The following STPG2 variants were observed in gnomAD, a reference collection of about 807,000 sequenced individuals.
STPG2 encodes the protein sperm tail PG-rich repeat containing 2.
Under a neutral mutation model 54.2 loss-of-function variants are expected in STPG2, and 56 were observed. That is an observed-to-expected ratio of 1.03 (90% CI 0.83 to 1.29). STPG2 has a LOEUF of 1.29. STPG2 is among the 50% of genes most tolerant of loss of function. STPG2 has a pLI of 0.00. For missense variants in STPG2, 596 were observed against 544.9 expected (o/e 1.09, Z -0.93); for synonymous variants, 200 against 181.8 (o/e 1.10, Z -0.81).
chr4:97,749,893 T>C (rs1351581635), intron 9 of STPG2, among the ~76,000 whole-genome samples: 1 of 151,810 alleles, frequency 6.6e-6, no homozygotes, highest in Non-Finnish European at 1.5e-5. Flanking sequence ...GTAGGATTTA[T>C]TTCTGAGAAT....
intron 10 of STPG2, among the ~76,000 whole-genome samples, chr4:97,617,118 A>G (rs1464552260): frequency 8.3e-6 from 1 of 120,072 alleles, no homozygotes; most frequent in Non-Finnish European, 1.7e-5. Context: ...ACACTTAACT[A>G]TATAATTTAA....
At chr4:97,631,080 T>A (rs1223983762) in intron 10 of STPG2, among the ~76,000 whole-genome samples, 1 of 151,896 alleles carries the variant, frequency 6.6e-6, no homozygotes, top group East Asian at 1.9e-4. Context: ...ACATATTGTT[T>A]CTGAAACCAG....
intron 4 of STPG2, among the ~76,000 whole-genome samples, chr4:97,498,965 T>A (rs937037632): frequency 4.6e-5 from 7 of 151,858 alleles, no homozygotes; most frequent in African/African-American, 1.7e-4. Context: ...CCTTGCCCCA[T>A]CTCTCAAGAA....
At chr4:97,746,665 T>C (rs1312306152) in intron 9 of STPG2, among the ~76,000 whole-genome samples, 1 of 151,152 alleles carries the variant, frequency 6.6e-6, no homozygotes, top group Non-Finnish European at 1.5e-5. Context: ...AGCAGTGGAA[T>C]AAAAGAAAGG....
At chr4:98,100,034 C>T (rs558857025) in intron 5 of STPG2, among the ~76,000 whole-genome samples, 2 of 152,032 alleles carry the variant, frequency 1.3e-5, no homozygotes, top group African/African-American at 4.8e-5. Flanking sequence ...AATGTACCCA[C>T]AAAAATTTTA....
At chr4:97,977,201 A>T (rs1383021937) in intron 6 of STPG2, among the ~76,000 whole-genome samples, 1 of 152,184 alleles carries the variant, frequency 6.6e-6, no homozygotes, top group Non-Finnish European at 1.5e-5. Flanking sequence ...TGACACAAAG[A>T]TCGCATGACT....
At chr4:97,739,902 C>T (rs1040526726) in intron 9 of STPG2, among the ~76,000 whole-genome samples, 3 of 151,784 alleles carry the variant, frequency 2.0e-5, no homozygotes, top group African/African-American at 4.8e-5. Context: ...CGGGCAGAGA[C>T]ACAACAAAAA....
intron 9 of STPG2, among the ~76,000 whole-genome samples, chr4:97,713,492 T>C (rs919225086): frequency 2.0e-5 from 3 of 152,164 alleles, no homozygotes; most frequent in African/African-American, 7.2e-5. Context: ...TCATAGACAA[T>C]GGGTAGCTCT....
chr4:98,059,196 A>C (rs1737569700), intron 5 of STPG2, among the ~76,000 whole-genome samples: 1 of 152,108 alleles, frequency 6.6e-6, no homozygotes. Flanking sequence ...AAAAATAAAC[A>C]TCAGAAACTA....
chr4:97,887,015 C>A (rs1203531563), intron 8 of STPG2, among the ~76,000 whole-genome samples: 1 of 152,188 alleles, frequency 6.6e-6, no homozygotes, highest in Non-Finnish European at 1.5e-5. Flanking sequence ...TTTCCTGAGG[C>A]CTCCGCAGGA....
At chr4:97,694,902 G>A (rs552347260) in intron 10 of STPG2, among the ~76,000 whole-genome samples, 37 of 140,260 alleles carry the variant, frequency 2.6e-4, no homozygotes, top group Admixed American at 1.7e-3. Flanking sequence ...TGAATTCTAC[G>A]AGACATTCAA....
chr4:97,695,027 C>A, intron 10 of STPG2, among the ~76,000 whole-genome samples: 1 of 144,972 alleles, frequency 6.9e-6, no homozygotes, highest in African/African-American at 2.5e-5. Flanking sequence ...CATGAAAGGA[C>A]ATAACAAAAA....
intron 4 of STPG2, among the ~76,000 whole-genome samples, chr4:97,539,146 A>C (rs1185161882): frequency 6.6e-6 from 1 of 152,242 alleles, no homozygotes; most frequent in African/African-American, 2.4e-5. Context: ...AACGAGCAAA[A>C]TAACCAGCTA....
intron 3 of STPG2, 75 bp from the exon 4 acceptor site, chr4:98,109,380 C>A: frequency 8.9e-7 from 1 of 1,125,924 alleles, no homozygotes. Flanking sequence ...TTTGGCTTTA[C>A]CTAAGTCTAA....
At chr4:98,087,053 A>T (rs1208449257) in intron 5 of STPG2, among the ~76,000 whole-genome samples, 1 of 152,238 alleles carries the variant, frequency 6.6e-6, no homozygotes, top group Non-Finnish European at 1.5e-5. Flanking sequence ...CATGTCTTAA[A>T]TAACTTTCAG....
intron 9 of STPG2, among the ~76,000 whole-genome samples, chr4:97,769,957 T>A (rs1726171420): frequency 6.6e-6 from 1 of 152,128 alleles, no homozygotes; most frequent in African/African-American, 2.4e-5. Flanking sequence ...AGGCCTATAA[T>A]CCCAGCACTT....
chr4:97,463,144 T>C (rs947078607), intron 4 of STPG2, among the ~76,000 whole-genome samples: 28 of 152,174 alleles, frequency 1.8e-4, no homozygotes, highest in African/African-American at 6.8e-4. Context: ...CTTGCTCTTC[T>C]GAAATATTAT....
chr4:97,564,742 A>C (rs1162603293), intron 10 of STPG2, among the ~76,000 whole-genome samples: 3 of 152,126 alleles, frequency 2.0e-5, no homozygotes, highest in Non-Finnish European at 2.9e-5. Flanking sequence ...TCTTTTCTTT[A>C]AGAATGTTGA....
intron 10 of STPG2, among the ~76,000 whole-genome samples, chr4:97,616,064 A>G (rs1185953477): frequency 1.5e-5 from 1 of 65,412 alleles, no homozygotes; most frequent in Non-Finnish European, 3.0e-5. Context: ...ATAAATATAT[A>G]TATATATATA....
Sources: gnomAD v4.1 joint callset for allele counts (sites outside exome capture counted in the v4.1 genomes callset) on GRCh38, gnomAD v4.1.1 for gene constraint, MANE v1.5 for transcripts, NCBI Gene and HGNC (gene_info 2026-07-23, HGNC 2026-07-21) for gene names.